Variants in PPP1R3B observed in about 807,000 individuals in gnomAD.
PPP1R3B encodes protein phosphatase 1 regulatory subunit 3B, also known as PP1 subunit R4.
PPP1R3B carries 8 observed loss-of-function variants against 14.6 expected under a neutral mutation model. That is an observed-to-expected ratio of 0.55 (90% CI 0.32 to 0.99). The LOEUF is 0.99. PPP1R3B is among the 50% of genes least tolerant of loss of function. PPP1R3B has a pLI of 0.04. For synonymous variants in PPP1R3B, 169 were observed against 142.0 expected (o/e 1.19, Z -1.35); for missense variants, 452 against 360.1 (o/e 1.26, Z -2.07).
At position 9,140,487 on chromosome 8, in the gene PPP1R3B, C is replaced by G. The variant is rs900444979; in HGVS notation, c.*307G>C. 1.0e-5 allele frequency: 4 copies of G among 383,736 alleles called. No homozygotes were observed. Among genetic ancestry groups the G allele is most frequent in the South Asian group, 3.5e-5 (1 of 28,706 alleles). The allele number at this position is 383,736 out of a possible 1,614,324, so 23.8% of individuals were successfully genotyped here. A position where few individuals can be genotyped will look rare whatever the true frequency, so the allele number is the denominator to read the frequency against. The stretch of plus-strand genomic sequence containing the variant: ...AGAGGAGAGACTCCTCCAGCTTCAT[C>G]AGCACTGGCATAGGCTTGATTCCCA... On this transcript the variant is annotated 3_prime_UTR_variant, in exon 2 of 2. Coordinates refer to ENST00000310455, the MANE Select transcript of PPP1R3B (RefSeq NM_024607.4).
chr8:9,144,825 A>C (rs1465732525), intron 1 of PPP1R3B, among the ~76,000 whole-genome samples: 3 of 152,148 alleles, frequency 2.0e-5, no homozygotes, highest in African/African-American at 7.2e-5. Context: ...GGTTCACTGC[A>C]ACCTCCACCT....
rs1198339353 is a variant in PPP1R3B at position 9,136,327 on chromosome 8, A to G, written c.*4467T>C. On this transcript the variant is annotated 3_prime_UTR_variant, in exon 2 of 2. Coordinates refer to ENST00000310455, the MANE Select transcript of PPP1R3B (RefSeq NM_024607.4). ...CAACCTCTCATACCACACAAAGAACATCCATTCTTGGGATTTTTAAAGTGC... is the reference window on the plus strand; with the variant it reads ...CAACCTCTCATACCACACAAAGAACGTCCATTCTTGGGATTTTTAAAGTGC... 1.3e-5 allele frequency: 2 copies of G among 152,216 alleles called. No homozygotes were observed. Among genetic ancestry groups the G allele is most frequent in the African/African-American group, 4.8e-5 (2 of 41,444 alleles). 9.4% of individuals were successfully genotyped at this position (152,216 alleles called of 1,614,324 possible). A position where few individuals can be genotyped will look rare whatever the true frequency, so the allele number is the denominator to read the frequency against.
At chr8:9,144,065 G>A (rs1205784061) in intron 1 of PPP1R3B, among the ~76,000 whole-genome samples, 2 of 151,272 alleles carry the variant, frequency 1.3e-5, no homozygotes, top group Non-Finnish European at 2.9e-5. Flanking sequence ...ATTTTAAAGT[G>A]GCCTATAAAT....
Position 9,140,702 on chromosome 8 carries a change from G to A in PPP1R3B, c.*92C>T, listed in dbSNP as rs564818084. ...AAACGGGGCCTCATGGAAGTTCCAC[G>A]TTGCTCCTCCCTGGCCTTCCATCTC... On this transcript the variant is annotated 3_prime_UTR_variant, in exon 2 of 2. Coordinates refer to ENST00000310455, the MANE Select transcript of PPP1R3B (RefSeq NM_024607.4). 160 of 1,375,238 alleles carry A rather than the reference G, an allele frequency of 1.2e-4. No individual in the cohort carries two copies. The African/African-American group carries it at 1.9e-3, about 16-fold the overall frequency. 85.2% of individuals were successfully genotyped at this position (1,375,238 alleles called of 1,614,324 possible).
rs188727301 is a variant in PPP1R3B, at chr8:9,139,501, C to G, written c.*1293G>C. 1.3e-5 allele frequency: 2 copies of G among 152,248 alleles called. No homozygotes were observed. The highest frequency in any genetic ancestry group is 6.5e-5 in the Admixed American group (1 of 15,292). 9.4% of individuals were successfully genotyped at this position (152,248 alleles called of 1,614,324 possible). ...ATATTGGATATGCAAATCAAATGTC[C>G]TAAACACAGCAGAAAAGATGACTCT... is the stretch of plus-strand genomic sequence containing the variant. On this transcript the variant is annotated 3_prime_UTR_variant, in exon 2 of 2. Transcript: ENST00000310455.
intron 1 of PPP1R3B, among the ~76,000 whole-genome samples, chr8:9,148,873 C>T (rs1801323285): frequency 1.3e-5 from 2 of 152,236 alleles, no homozygotes; most frequent in Admixed American, 6.5e-5. Context: ...CTTATTCTCT[C>T]TCTCTCTTTC....
In PPP1R3B at chr8:9,141,381, T is replaced by G. The variant is rs759122111; in HGVS notation, c.271A>C (p.Asn91His). Reference sequence around the variant, plus strand: ...ATGTTGTCTAGGAGCTCGGTGATGTTGAATGGCATATCTAGCGGGTCATCG... The same window carrying G: ...ATGTTGTCTAGGAGCTCGGTGATGTGGAATGGCATATCTAGCGGGTCATCG... ...EFDDPLDMPF[N>H]ITELLDNIVS... is the part of the protein sequence containing the mutation. The change falls in exon 2 of 2, where the codon AAC becomes CAC. Residue 91 changes from asparagine (N) to histidine (H), a missense_variant. Coordinates refer to ENST00000310455, the MANE Select transcript of PPP1R3B (RefSeq NM_024607.4). 5 of 1,614,114 alleles carry G rather than the reference T, an allele frequency of 3.1e-6. No homozygotes were observed. Among genetic ancestry groups the G allele is most frequent in the South Asian group, 1.1e-5 (1 of 91,088 alleles).
At chr8:9,149,623 T>A (rs989837182) in intron 1 of PPP1R3B, among the ~76,000 whole-genome samples, 1 of 152,350 alleles carries the variant, frequency 6.6e-6, no homozygotes, top group South Asian at 2.1e-4. Flanking sequence ...TAATTTTCAT[T>A]TTTAAAGACA....
chr8:9,140,863 C>T lies in PPP1R3B; in HGVS notation c.789G>A (p.Arg263=). 6.2e-7 allele frequency: 1 copy of T among 1,614,180 alleles called. No homozygotes were observed. Among genetic ancestry groups the T allele is most frequent in the Middle Eastern group, 1.6e-4 (1 of 6,062 alleles). ...GISFDQFGSP[R]CSYGLFPEWP... is the part of the protein sequence containing the mutation. ...ACTCTGGAAACAGACCATAGGAACA[C>T]CGAGGGCTTCCGAACTGGTCAAAGG... Residue 263 remains arginine, a synonymous_variant, in exon 2 of 2, where the codon CGG becomes CGA. Transcript: ENST00000310455.
intron 1 of PPP1R3B, among the ~76,000 whole-genome samples, 193 bp downstream of exon 1, chr8:9,150,370 C>G (rs866943277): frequency 9.9e-5 from 15 of 152,256 alleles, no homozygotes; most frequent in Admixed American, 3.9e-4. Flanking sequence ...CCCCCACTCC[C>G]TCTTTTGCAG....
chr8:9,141,560 C>G lies in PPP1R3B; in HGVS notation c.92G>C (p.Ser31Thr). Residue 31 changes from serine (S) to threonine (T), a missense_variant, in exon 2 of 2, where the codon AGC (serine) becomes ACC (threonine). Coordinates refer to ENST00000310455, the MANE Select transcript of PPP1R3B (RefSeq NM_024607.4). ...CTGAATACAAGGCCTCAGTGGTTTG[C>G]TGGGCTTTGGTGAGATCTTAAAGGC... Reference protein sequence around the residue: ...RFAFKISPKPSKPLRPCIQLS... With the variant: ...RFAFKISPKPTKPLRPCIQLS... 1.9e-6 allele frequency: 3 copies of G among 1,614,108 alleles called. No individual in the cohort carries two copies. The highest frequency in any genetic ancestry group is 2.5e-6 in the Non-Finnish European group (3 of 1,180,040).
chr8:9,141,334 C>T lies in PPP1R3B; in HGVS notation c.318G>A (p.Glu106=), dbSNP rs1264359921. 3 of 1,614,068 alleles carry T rather than the reference C, an allele frequency of 1.9e-6. No individual in the cohort carries two copies. The highest frequency in any genetic ancestry group is 2.2e-5 in the East Asian group (1 of 44,902). The change falls in exon 2 of 2, where the codon GAG becomes GAA. Residue 106 remains glutamate, a synonymous_variant. Coordinates refer to ENST00000310455, the MANE Select transcript of PPP1R3B (RefSeq NM_024607.4). ...AAAAATCCAGAACAAAGCTCTCGCTCTCTGCTGTCGTCAAGCTCACAATGT... is the reference window on the plus strand; with the variant it reads ...AAAAATCCAGAACAAAGCTCTCGCTTTCTGCTGTCGTCAAGCTCACAATGT... ...LDNIVSLTTA[E]SESFVLDFSQ...
At chr8:9,143,203 A>C (rs1040918665) in intron 1 of PPP1R3B, among the ~76,000 whole-genome samples, 2 of 152,246 alleles carry the variant, frequency 1.3e-5, no homozygotes, top group Admixed American at 1.3e-4. Flanking sequence ...TAGCCATCCT[A>C]ACGGGTGTGA....
In PPP1R3B at chr8:9,140,309, T is replaced by G; in HGVS notation, c.*485A>C. The G allele has an allele frequency of 5.7e-6, 1 of 176,710 alleles. No individual in the cohort carries two copies. The highest frequency in any genetic ancestry group is 1.4e-4 in the East Asian group (1 of 7,326). 10.9% of individuals were successfully genotyped at this position (176,710 alleles called of 1,614,324 possible). Reference sequence around the variant, plus strand: ...TCAGCTCAGTGTGTCACAGCAGAGATACACGTGGACGGGGAAGCACAGCAG... The same window carrying G: ...TCAGCTCAGTGTGTCACAGCAGAGAGACACGTGGACGGGGAAGCACAGCAG... On this transcript the variant is annotated 3_prime_UTR_variant, in exon 2 of 2. Coordinates refer to ENST00000310455, the MANE Select transcript of PPP1R3B (RefSeq NM_024607.4).
At chr8:9,147,795 T>C (rs1469721846) in intron 1 of PPP1R3B, among the ~76,000 whole-genome samples, 1 of 151,662 alleles carries the variant, frequency 6.6e-6, no homozygotes, top group Non-Finnish European at 1.5e-5. Context: ...AATTAAACAA[T>C]GCTGCTGGCA....
rs956858706 is a variant in PPP1R3B at position 9,137,402 on chromosome 8, T to C, written c.*3392A>G. The C allele has an allele frequency of 1.3e-5, 2 of 152,168 alleles. No individual in the cohort carries two copies. The highest frequency in any genetic ancestry group is 2.9e-5 in the Non-Finnish European group (2 of 68,032). 9.4% of individuals were successfully genotyped at this position (152,168 alleles called of 1,614,324 possible). On this transcript the variant is annotated 3_prime_UTR_variant, in exon 2 of 2. Transcript: ENST00000310455. The stretch of plus-strand genomic sequence containing the variant: ...TCTTTCTGGGGCAACCTGGGAAAGA[T>C]TCTGGGACTCGGGGGCCACTTGTAA...
At position 9,138,039 on chromosome 8, in the gene PPP1R3B, C is replaced by T. The variant is rs1389994091; in HGVS notation, c.*2755G>A. 1 of 152,134 alleles carries T rather than the reference C, an allele frequency of 6.6e-6. No individual in the cohort carries two copies. Among genetic ancestry groups the T allele is most frequent in the African/African-American group, 2.4e-5 (1 of 41,414 alleles). 9.4% of individuals were successfully genotyped at this position (152,134 alleles called of 1,614,324 possible). On this transcript the variant is annotated 3_prime_UTR_variant, in exon 2 of 2. Coordinates refer to ENST00000310455, the MANE Select transcript of PPP1R3B (RefSeq NM_024607.4). ...TTTATTAAACAGAGTCACTTCAGGC[C>T]TTTTTCTTATGAACAGAGTGATCCT... is the stretch of plus-strand genomic sequence containing the variant.
In PPP1R3B at chr8:9,137,748, G is replaced by C. The variant is rs960363784; in HGVS notation, c.*3046C>G. 2 of 152,244 alleles carry C rather than the reference G, an allele frequency of 1.3e-5. No individual in the cohort carries two copies. The highest frequency in any genetic ancestry group is 4.8e-5 in the African/African-American group (2 of 41,424). The allele number at this position is 152,244 out of a possible 1,614,324, so 9.4% of individuals were successfully genotyped here. A position where few individuals can be genotyped will look rare whatever the true frequency, so the allele number is the denominator to read the frequency against. On this transcript the variant is annotated 3_prime_UTR_variant, in exon 2 of 2. Transcript: ENST00000310455. ...CCTGATGAGGAAACTCAGGCAAGTA[G>C]AGTCTTTTATTGGAGAAGAAGGGTC...
Position 9,140,052 on chromosome 8 carries a change from G to A in PPP1R3B, c.*742C>T, listed in dbSNP as rs17704885. 5,407 of 152,714 alleles carry A rather than the reference G, an allele frequency of 0.035. 165 individuals carry two copies. Among genetic ancestry groups the A allele is most frequent in the Non-Finnish European group, 0.058 (3,999 of 68,394 alleles). 9.5% of individuals were successfully genotyped at this position (152,714 alleles called of 1,614,324 possible). Reference sequence around the variant, plus strand: ...TCAGAACCCTGCAATCTGTGACACCGCACAGGAGCCAGTGGGTTTTGATGA... The same window carrying A: ...TCAGAACCCTGCAATCTGTGACACCACACAGGAGCCAGTGGGTTTTGATGA... On this transcript the variant is annotated 3_prime_UTR_variant, in exon 2 of 2. Transcript: ENST00000310455.
Sources: gnomAD v4.1 joint callset for allele counts (sites outside exome capture counted in the v4.1 genomes callset) on GRCh38, gnomAD v4.1.1 for gene constraint, MANE v1.5 for transcripts, NCBI Gene and HGNC (gene_info 2026-07-23, HGNC 2026-07-21) for gene names.